ACSS1: variants seen among roughly 807,000 people sequenced by gnomAD.
ACSS1 encodes acetyl-coenzyme A synthetase 2-like, mitochondrial.
A neutral mutation model predicts 75.3 loss-of-function variants in ACSS1; 42 were observed. The observed-to-expected ratio is 0.56, with a 90% confidence interval of 0.44 to 0.72. ACSS1 has a LOEUF of 0.72. ACSS1 is among the 30% of genes least tolerant of loss of function. ACSS1 has a pLI of 0.00. For synonymous variants in ACSS1, 380 were observed against 376.8 expected (o/e 1.01, Z -0.10); for missense variants, 782 against 935.7 (o/e 0.84, Z 2.14).
intron 12 of ACSS1, chr20:25,012,288 C>T (rs1291726722): frequency 1.4e-5 from 6 of 440,728 alleles, no homozygotes; most frequent in Non-Finnish European, 2.1e-5. Flanking sequence ...TGGGGCTGGA[C>T]GGTGTCCCCA....
At chr20:25,050,870 C>T (rs987945544) in intron 1 of ACSS1, among the ~76,000 whole-genome samples, 4 of 152,126 alleles carry the variant, frequency 2.6e-5, no homozygotes, top group Non-Finnish European at 5.9e-5. Context: ...CCAGGATGGA[C>T]AGCACCCAGG....
At position 25,015,164 on chromosome 20, in the gene ACSS1, G is replaced by A. The variant is rs767493061; in HGVS notation, c.1313C>T (p.Thr438Met). Reference sequence around the variant, plus strand: ...TGTCTGCCACCAGGTGTCCACCAGCGTGCACCTGCTGTCCCCCACCACCCT... The same window carrying A: ...TGTCTGCCACCAGGTGTCCACCAGCATGCACCTGCTGTCCCCCACCACCCT... ...LHRVVGDSRC[T>M]LVDTWWQTET... is the part of the protein sequence containing the mutation. Residue 438 changes from threonine (T) to methionine (M), a missense_variant, in exon 8 of 14, where the codon ACG becomes ATG. Physicochemically the swap from Thr to Met is moderately conservative, Grantham distance 81 (BLOSUM62 -1). Coordinates refer to ENST00000323482, the MANE Select transcript of ACSS1 (RefSeq NM_032501.4). 25 of 1,612,988 alleles carry A rather than the reference G, an allele frequency of 1.5e-5. No homozygotes were observed. Among genetic ancestry groups the A allele is most frequent in the South Asian group, 5.5e-5 (5 of 91,038 alleles).
chr20:25,032,269 T>A, intron 2 of ACSS1: 1 of 1,090,684 alleles, frequency 9.2e-7, no homozygotes, highest in Non-Finnish European at 1.2e-6. Context: ...CTGGGCAAGC[T>A]GATTGGCTCA....
intron 8 of ACSS1, among the ~76,000 whole-genome samples, chr20:25,014,884 T>TG (rs1213773516): frequency 6.6e-6 from 1 of 151,994 alleles, no homozygotes; most frequent in Non-Finnish European, 1.5e-5. Context: ...CCCAGGCGTG[T>TG]GGGGGGCGCC....
chr20:25,034,590 T>A (rs1314214835), intron 2 of ACSS1, among the ~76,000 whole-genome samples: 1 of 151,676 alleles, frequency 6.6e-6, no homozygotes, highest in Non-Finnish European at 1.5e-5. Context: ...TTTTTTGAGG[T>A]GGAGTTTCGC....
intron 1 of ACSS1, 49 bp from the exon 2 acceptor site, chr20:25,048,230 G>A (rs1600348931): frequency 6.4e-7 from 1 of 1,564,846 alleles, no homozygotes; most frequent in Non-Finnish European, 8.7e-7. Flanking sequence ...CTTTTTGAGT[G>A]AGAATTCGGC....
chr20:25,030,742 C>T lies in ACSS1; in HGVS notation c.631+17G>A, dbSNP rs749841008. On this transcript the variant is annotated intron_variant, in intron 3 of 13. Coordinates refer to ENST00000323482, the MANE Select transcript of ACSS1 (RefSeq NM_032501.4). ...GGGAACTCCAGGGTTCCTCCCTCCC[C>T]ATGCCCACCTCCTCACCATCATTGA... 11 of 1,613,342 alleles carry T rather than the reference C, an allele frequency of 6.8e-6. No homozygotes were observed. Among genetic ancestry groups the T allele is most frequent in the Non-Finnish European group, 1.7e-6 (2 of 1,179,762 alleles).
intron 7 of ACSS1, among the ~76,000 whole-genome samples, chr20:25,017,584 A>G (rs1264270024): frequency 6.6e-6 from 1 of 152,220 alleles, no homozygotes; most frequent in Non-Finnish European, 1.5e-5. Flanking sequence ...CGGTTATGCA[A>G]CAGGAATAGG....
chr20:25,022,796 T>A, intron 5 of ACSS1, 144 bp downstream of exon 5: 11 of 1,205,514 alleles, frequency 9.1e-6, no homozygotes, highest in Non-Finnish European at 1.2e-5. Context: ...GTGGGAGGAC[T>A]CGAGGGGGCC....
intron 7 of ACSS1, among the ~76,000 whole-genome samples, chr20:25,017,587 G>A (rs1198530936): frequency 2.0e-5 from 3 of 152,222 alleles, no homozygotes; most frequent in Non-Finnish European, 4.4e-5. Flanking sequence ...TTATGCAACA[G>A]GAATAGGAAT....
chr20:25,032,631 TC>T (rs2088846439), intron 2 of ACSS1: 1 of 1,229,020 alleles, frequency 8.1e-7, no homozygotes. Context: ...AAGCAGACCC[TC>T]CTCGGGCTCT....
In ACSS1 at chr20:25,007,227, C is replaced by A. The variant is rs917713780; in HGVS notation, c.*535G>T. 5.1e-6 allele frequency: 6 copies of A among 1,180,452 alleles called. No homozygotes were observed. Among genetic ancestry groups the A allele is most frequent in the African/African-American group, 1.6e-5 (1 of 64,274 alleles). The allele number at this position is 1,180,452 out of a possible 1,614,324, so 73.1% of individuals were successfully genotyped here. A position where few individuals can be genotyped will look rare whatever the true frequency, so the allele number is the denominator to read the frequency against. ...GCCTCTGATCCTCATGTTTCCTCAC[C>A]AGTAGAGGCAAAAAAGGAGATTTTC... On this transcript the variant is annotated 3_prime_UTR_variant, in exon 14 of 14. Coordinates refer to ENST00000323482, the MANE Select transcript of ACSS1 (RefSeq NM_032501.4).
At chr20:25,037,000 G>GA (rs1308369495) in intron 2 of ACSS1, among the ~76,000 whole-genome samples, 2 of 76,958 alleles carry the variant, frequency 2.6e-5, no homozygotes, top group Admixed American at 3.1e-4. Flanking sequence ...AAAGAAAGAA[G>GA]AAAGAAAGGA....
In ACSS1 at chr20:25,021,502, C is replaced by A; in HGVS notation, c.995G>T (p.Gly332Val). The change falls in exon 6 of 14, where the codon GGC becomes GTC. Residue 332 changes from glycine (G) to valine (V), a missense_variant. Physicochemically the swap from Gly to Val is moderately radical, Grantham distance 109 (BLOSUM62 -3). Transcript: ENST00000323482. ...VFDHQPGDIF[G>V]CVADIGWITG... ...AATCCAACCGATGTCGGCCACACAG[C>A]CAAAGATGTCACCTGGCTGGTGGTC... The A allele has an allele frequency of 5.0e-6, 8 of 1,614,132 alleles. No individual in the cohort carries two copies. Among genetic ancestry groups the A allele is most frequent in the Non-Finnish European group, 5.9e-6 (7 of 1,180,016 alleles).
At position 25,023,660 on chromosome 20, in the gene ACSS1, A is replaced by T. The variant is rs2088667171; in HGVS notation, c.632-19T>A. The stretch of plus-strand genomic sequence containing the variant: ...CACTTGGCTAACAGAGACAACACAG[A>T]CATTTCTGATCAGTCTCCTCCCGAC... On this transcript the variant is annotated intron_variant, in intron 3 of 13. Coordinates refer to ENST00000323482, the MANE Select transcript of ACSS1 (RefSeq NM_032501.4). 1 of 1,579,874 alleles carries T rather than the reference A, an allele frequency of 6.3e-7. No homozygotes were observed. The highest frequency in any genetic ancestry group is 1.2e-5 in the South Asian group (1 of 86,466).
chr20:25,007,028 C>T lies in ACSS1; in HGVS notation c.*734G>A. On this transcript the variant is annotated 3_prime_UTR_variant, in exon 14 of 14. Transcript: ENST00000323482. ...GGAGTAGCTTCAGAACTAAGGCGGC[C>T]ACATTCACCCCACCGCTTAGGAGTT... 2 of 1,516,148 alleles carry T rather than the reference C, an allele frequency of 1.3e-6. No homozygotes were observed. The highest frequency in any genetic ancestry group is 1.8e-6 in the Non-Finnish European group (2 of 1,135,916). The allele number at this position is 1,516,148 out of a possible 1,614,324, so 93.9% of individuals were successfully genotyped here.
At chr20:25,043,458 G>A (rs981878912) in intron 2 of ACSS1, among the ~76,000 whole-genome samples, 15 of 152,224 alleles carry the variant, frequency 9.9e-5, no homozygotes, top group Non-Finnish European at 1.3e-4. Context: ...GCACAGCCCT[G>A]CAGGCCTCCG....
At chr20:25,032,159 C>T (rs1290867990) in intron 2 of ACSS1, among the ~76,000 whole-genome samples, 1 of 152,216 alleles carries the variant, frequency 6.6e-6, no homozygotes, top group African/African-American at 2.4e-5. Context: ...CCATGTCGTC[C>T]ACCACGTTGC....
At position 25,006,821 on chromosome 20, in the gene ACSS1, A is replaced by C; in HGVS notation, c.*941T>G. ...TCTCACCGCCCCAACCACAGAGTGA[A>C]GGTCAGGCAGCGTTTGCCAGGATTT... is the stretch of plus-strand genomic sequence containing the variant. On this transcript the variant is annotated 3_prime_UTR_variant, in exon 14 of 14. Coordinates refer to ENST00000323482, the MANE Select transcript of ACSS1 (RefSeq NM_032501.4). The C allele has an allele frequency of 1.3e-6, 2 of 1,535,096 alleles. No individual in the cohort carries two copies. Among genetic ancestry groups the C allele is most frequent in the South Asian group, 2.4e-5 (2 of 84,036 alleles).
Sources: gnomAD v4.1 joint callset for allele counts (sites outside exome capture counted in the v4.1 genomes callset) on GRCh38, gnomAD v4.1.1 for gene constraint, MANE v1.5 for transcripts, NCBI Gene and HGNC (gene_info 2026-07-23, HGNC 2026-07-21) for gene names.